Variants in B4GALT5 observed in about 807,000 individuals in gnomAD.
B4GALT5 encodes beta-1,4-galactosyltransferase 5.
In B4GALT5, 11 loss-of-function variants were observed where a neutral mutation model predicts 45.0. That is an observed-to-expected ratio of 0.24 (90% CI 0.15 to 0.40). The LOEUF is 0.40. Ranked by LOEUF, B4GALT5 falls within the 10% of genes least tolerant of loss-of-function variation. The pLI, the probability that B4GALT5 is intolerant of heterozygous loss-of-function variation, is 1.00. For missense variants in B4GALT5, 337 were observed against 500.2 expected (o/e 0.67, Z 3.11); for synonymous variants, 185 against 182.9 (o/e 1.01, Z -0.09).
chr20:49,678,263 G>A (rs770080237), intron 1 of B4GALT5, among the ~76,000 whole-genome samples: 3 of 152,204 alleles, frequency 2.0e-5, no homozygotes, highest in Non-Finnish European at 4.4e-5. Flanking sequence ...GGTCAACTTG[G>A]TTACTAATTT....
intron 1 of B4GALT5, among the ~76,000 whole-genome samples, chr20:49,687,181 C>G (rs1450280354): frequency 1.3e-5 from 2 of 152,140 alleles, no homozygotes; most frequent in Non-Finnish European, 1.5e-5. Flanking sequence ...CTACAAGGCA[C>G]AGGACAGCCT....
At chr20:49,694,420 G>A (rs1437148775) in intron 1 of B4GALT5, among the ~76,000 whole-genome samples, 1 of 152,066 alleles carries the variant, frequency 6.6e-6, no homozygotes. Flanking sequence ...GGGAGGGCGA[G>A]GTGGGAAGGT....
intron 1 of B4GALT5, among the ~76,000 whole-genome samples, chr20:49,705,976 T>TA (rs1409814563): frequency 6.8e-6 from 1 of 147,268 alleles, no homozygotes; most frequent in Non-Finnish European, 1.5e-5. Flanking sequence ...GGTCTGGAGT[T>TA]AGAGACCAGC....
intron 1 of B4GALT5, among the ~76,000 whole-genome samples, chr20:49,657,285 C>A (rs372986463): frequency 6.6e-6 from 1 of 152,168 alleles, no homozygotes; most frequent in African/African-American, 2.4e-5. Flanking sequence ...TCACTATCCA[C>A]CCATCCCAGC....
intron 1 of B4GALT5, among the ~76,000 whole-genome samples, chr20:49,687,040 C>T (rs1010709291): frequency 6.6e-6 from 1 of 152,118 alleles, no homozygotes; most frequent in Non-Finnish European, 1.5e-5. Context: ...GCCAGTAGTT[C>T]TCAATTAGGG....
At chr20:49,671,834 G>C (rs1398765994) in intron 1 of B4GALT5, among the ~76,000 whole-genome samples, 1 of 111,320 alleles carries the variant, frequency 9.0e-6, no homozygotes, top group African/African-American at 3.4e-5. Context: ...CCTTTGGGCA[G>C]GGTCTTTTTC....
At chr20:49,713,308 G>T (rs187185379) in intron 1 of B4GALT5, among the ~76,000 whole-genome samples, 4 of 151,730 alleles carry the variant, frequency 2.6e-5, no homozygotes, top group South Asian at 4.2e-4. Flanking sequence ...AGGGGCGGGC[G>T]TGAAGGTACA....
intron 1 of B4GALT5, among the ~76,000 whole-genome samples, chr20:49,688,380 G>A (rs1193612297): frequency 6.6e-6 from 1 of 152,128 alleles, no homozygotes; most frequent in Non-Finnish European, 1.5e-5. Flanking sequence ...CACCATGGGG[G>A]AAGGGCCCCA....
At chr20:49,677,928 G>C (rs934241206) in intron 1 of B4GALT5, among the ~76,000 whole-genome samples, 1 of 152,190 alleles carries the variant, frequency 6.6e-6, no homozygotes, top group Non-Finnish European at 1.5e-5. Context: ...GTATTTTTTA[G>C]TAGAGACAGG....
rs113469908 is a variant in B4GALT5, at chr20:49,645,012, T to C, written c.365-1362A>G. Among the ~76,000 whole-genome samples the C allele has an allele frequency of 9.1e-3, 1,380 of 152,304 alleles. 18 individuals are homozygous for C. Among genetic ancestry groups the C allele is most frequent in the Non-Finnish European group, 0.012 (849 of 68,020 alleles). Reference sequence around the variant, plus strand: ...GGTATAAGAGTTTACTGTCCTTGTTTTAGCTTACACGAGATTCAAAAAAAA... The same window carrying C: ...GGTATAAGAGTTTACTGTCCTTGTTCTAGCTTACACGAGATTCAAAAAAAA... On this transcript the variant is annotated intron_variant, in intron 3 of 8. Transcript: ENST00000371711.
chr20:49,636,369 C>T lies in B4GALT5; in HGVS notation c.1110G>A (p.Leu370=). Residue 370 remains leucine, a synonymous_variant, in exon 9 of 9, where the codon TTG becomes TTA. Coordinates refer to ENST00000371711, the MANE Select transcript of B4GALT5 (RefSeq NM_004776.4). ...NYFANITYDA[L]YKNITVNLTP... ...TCAGGTTGACAGTTATGTTTTTATA[C>T]AAGGCGTCGTATGTGATGTTTGCAA... 1 of 1,614,176 alleles carries T rather than the reference C, an allele frequency of 6.2e-7. No homozygotes were observed. The highest frequency in any genetic ancestry group is 8.5e-7 in the Non-Finnish European group (1 of 1,180,012).
intron 1 of B4GALT5, among the ~76,000 whole-genome samples, chr20:49,669,449 C>T (rs1383459036): frequency 6.6e-6 from 1 of 152,130 alleles, no homozygotes; most frequent in Admixed American, 6.5e-5. Flanking sequence ...GTAATCCCAG[C>T]ACTTTGGGAG....
rs566647488 is a variant in B4GALT5 at position 49,689,194 on chromosome 20, C to T, written c.115+24382G>A. ...AGATGTCACCTCTTTGACAATTATA[C>T]AGGATTTATGTTACTTGATTTCCAA... On this transcript the variant is annotated intron_variant, in intron 1 of 8. Transcript: ENST00000371711. Among the ~76,000 whole-genome samples, 10 of 152,136 alleles carry T rather than the reference C, an allele frequency of 6.6e-5. No homozygotes were observed. The South Asian group carries it at 2.1e-3, about 32-fold the overall frequency.
intron 3 of B4GALT5, among the ~76,000 whole-genome samples, chr20:49,646,017 T>G (rs1568716549): frequency 1.3e-5 from 2 of 152,086 alleles, no homozygotes; most frequent in African/African-American, 4.8e-5. Context: ...AACACCCCAT[T>G]TCTTAAAAAA....
rs1568711917 is a variant in B4GALT5, at chr20:49,633,444, T to TTTTG, written c.*2867_*2868insCAAA. ...CAAGGTCACATTTGGTTCCTGTTTT[T>TTTTG]TTTTTTAACATGACAATTTCACACT... On this transcript the variant is annotated 3_prime_UTR_variant, in exon 9 of 9. Coordinates refer to ENST00000371711, the MANE Select transcript of B4GALT5 (RefSeq NM_004776.4). 2.6e-5 allele frequency: 3 copies of TTTTG among 113,598 alleles called. No individual in the cohort carries two copies. The highest frequency in any genetic ancestry group is 5.9e-5 in the African/African-American group (2 of 33,858). 7.0% of individuals were successfully genotyped at this position (113,598 alleles called of 1,614,324 possible). A position where few individuals can be genotyped will look rare whatever the true frequency, so the allele number is the denominator to read the frequency against.
chr20:49,663,120 T>C (rs918496507), intron 1 of B4GALT5, among the ~76,000 whole-genome samples: 2 of 152,194 alleles, frequency 1.3e-5, no homozygotes, highest in African/African-American at 4.8e-5. Flanking sequence ...AGAACACATG[T>C]GGTATGATTC....
At chr20:49,645,950 C>A (rs1475579300) in intron 3 of B4GALT5, among the ~76,000 whole-genome samples, 3 of 151,612 alleles carry the variant, frequency 2.0e-5, no homozygotes, top group African/African-American at 7.3e-5. Flanking sequence ...GTTGCCCAGG[C>A]CTAGGTGGGA....
At chr20:49,695,925 T>G (rs1256825701) in intron 1 of B4GALT5, among the ~76,000 whole-genome samples, 1 of 152,234 alleles carries the variant, frequency 6.6e-6, no homozygotes, top group Non-Finnish European at 1.5e-5. Context: ...GTTTTCATTA[T>G]GTCTAATGCT....
rs930960476 is a variant in B4GALT5, at chr20:49,711,015, C to G, written c.115+2561G>C. On this transcript the variant is annotated intron_variant, in intron 1 of 8. Transcript: ENST00000371711. ...GGAGGATCCCTTGTGCCCAGGAGATCAAGGCTGCAGTAAGCTATGAGCATC... is the reference window on the plus strand; with the variant it reads ...GGAGGATCCCTTGTGCCCAGGAGATGAAGGCTGCAGTAAGCTATGAGCATC... 6.0e-5 allele frequency among the ~76,000 whole-genome samples: 9 copies of G among 149,002 alleles called. No homozygotes were observed. The South Asian group carries it at 1.5e-3, about 25-fold the overall frequency.
Sources: allele counts gnomAD v4.1 joint callset (sites outside exome capture counted in the v4.1 genomes callset), GRCh38; gene constraint gnomAD v4.1.1; transcripts MANE v1.5; gene names NCBI Gene and HGNC (gene_info 2026-07-23, HGNC 2026-07-21).